The following PLCL2 variants were observed in gnomAD, a reference collection of about 807,000 sequenced individuals.
PLCL2 encodes the protein phospholipase C like 2, also known as inactive phospholipase C-like protein 2.
PLCL2 carries 4 observed loss-of-function variants against 79.6 expected under a neutral mutation model. The observed-to-expected ratio is 0.05, with a 90% CI of 0.02 to 0.11. The LOEUF is 0.11. Ranked by LOEUF, PLCL2 falls within the 10% of genes least tolerant of loss-of-function variation. The probability of loss-of-function intolerance (pLI) is 1.00; values close to 1 mark genes in which losing one functional copy is unlikely to be tolerated. For missense variants in PLCL2, 895 were observed against 1,291.0 expected (o/e 0.69, Z 4.70); for synonymous variants, 484 against 457.7 (o/e 1.06, Z -0.73).
intron 1 of PLCL2, among the ~76,000 whole-genome samples, chr3:16,992,451 A>G (rs1198116569): frequency 6.6e-6 from 1 of 152,190 alleles, no homozygotes; most frequent in African/African-American, 2.4e-5. Flanking sequence ...CATCCAGCAA[A>G]TAACCCCCAT....
At chr3:17,014,388 G>A (rs2064360319) in intron 2 of PLCL2, among the ~76,000 whole-genome samples, 1 of 151,948 alleles carries the variant, frequency 6.6e-6, no homozygotes, top group Non-Finnish European at 1.5e-5. Context: ...TATTCGCTCT[G>A]TTTGCTCATA....
chr3:17,085,891 A>C (rs1364074698), intron 5 of PLCL2, among the ~76,000 whole-genome samples: 1 of 152,210 alleles, frequency 6.6e-6, no homozygotes, highest in Admixed American at 6.5e-5. Flanking sequence ...GAAAACTATA[A>C]AACTCTGGTG....
At chr3:16,946,611 C>T (rs1034347872) in intron 1 of PLCL2, among the ~76,000 whole-genome samples, 2 of 152,002 alleles carry the variant, frequency 1.3e-5, no homozygotes, top group African/African-American at 4.8e-5. Flanking sequence ...TGTAAACAAC[C>T]GACCTATGTA....
In PLCL2 at chr3:17,082,813, A is replaced by C. The variant is rs1168424396; in HGVS notation, c.3205-6920A>C. On this transcript the variant is annotated intron_variant, in intron 5 of 5. Transcript: ENST00000615277. ...CTTTTCGTGAAGAAAAAAGGAAACCAAAGAACAATATAGATTGCTTGATTG... is the reference window on the plus strand; with the variant it reads ...CTTTTCGTGAAGAAAAAAGGAAACCCAAGAACAATATAGATTGCTTGATTG... Among the ~76,000 whole-genome samples the C allele has an allele frequency of 5.3e-5, 8 of 152,340 alleles. No homozygotes were observed. In the East Asian group the frequency reaches 1.5e-3, roughly 29 times the overall value.
intron 4 of PLCL2, 60 bp downstream of exon 4, chr3:17,043,009 CA>C: frequency 9.1e-7 from 1 of 1,099,802 alleles, no homozygotes; most frequent in Non-Finnish European, 1.4e-6. Flanking sequence ...TACTTTGCCC[CA>C]AAACTATTTC....
chr3:17,067,543 G>A (rs953812089), intron 4 of PLCL2, among the ~76,000 whole-genome samples: 8 of 152,096 alleles, frequency 5.3e-5, no homozygotes, highest in African/African-American at 1.2e-4. Flanking sequence ...ATTACTTTGC[G>A]TTCTTTCTAT....
intron 1 of PLCL2, among the ~76,000 whole-genome samples, chr3:16,954,906 A>G (rs2063689498): frequency 6.6e-6 from 1 of 152,070 alleles, no homozygotes. Context: ...GTTTGAGTTC[A>G]TTGTAGATTC....
At chr3:17,004,731 T>C (rs1238785055) in intron 1 of PLCL2, among the ~76,000 whole-genome samples, 1 of 152,128 alleles carries the variant, frequency 6.6e-6, no homozygotes, top group Non-Finnish European at 1.5e-5. Flanking sequence ...TGAAGAAAGG[T>C]CAGGCCTTGC....
intron 1 of PLCL2, among the ~76,000 whole-genome samples, chr3:16,943,392 G>C (rs753231501): frequency 5.3e-5 from 8 of 152,286 alleles, no homozygotes; most frequent in Middle Eastern, 3.4e-3. Flanking sequence ...AAGAAGACTT[G>C]AGTGCCAGCC....
At chr3:17,002,185 T>C (rs1239857965) in intron 1 of PLCL2, among the ~76,000 whole-genome samples, 2 of 152,144 alleles carry the variant, frequency 1.3e-5, no homozygotes, top group African/African-American at 4.8e-5. Context: ...CATACAGTAA[T>C]GATACTATTA....
chr3:17,052,276 G>A (rs2064850503), intron 4 of PLCL2, among the ~76,000 whole-genome samples: 1 of 148,888 alleles, frequency 6.7e-6, no homozygotes, highest in African/African-American at 2.5e-5. Context: ...GAAGGTCTCA[G>A]GTTATGGATT....
chr3:16,999,122 A>C (rs1385018227), intron 1 of PLCL2, among the ~76,000 whole-genome samples: 3 of 152,212 alleles, frequency 2.0e-5, no homozygotes, highest in African/African-American at 7.2e-5. Context: ...CATTTTAATT[A>C]AATTGATGGG....
chr3:17,029,643 G>A (rs1331676520), intron 3 of PLCL2, among the ~76,000 whole-genome samples: 1 of 152,170 alleles, frequency 6.6e-6, no homozygotes, highest in Non-Finnish European at 1.5e-5. Context: ...GCCTTGGGTA[G>A]GGATAGGGTC....
At chr3:17,047,808 A>T (rs922985173) in intron 4 of PLCL2, among the ~76,000 whole-genome samples, 1 of 152,212 alleles carries the variant, frequency 6.6e-6, no homozygotes, top group African/African-American at 2.4e-5. Context: ...GTGACTGTTC[A>T]GATCTGGACA....
chr3:16,965,329 G>T (rs1161060314), intron 1 of PLCL2, among the ~76,000 whole-genome samples: 3 of 152,140 alleles, frequency 2.0e-5, no homozygotes, highest in Admixed American at 6.6e-5. Flanking sequence ...TCAGATGGTT[G>T]TAGATGTGTG....
chr3:16,907,821 G>T lies in PLCL2; in HGVS notation c.327+22455G>T, dbSNP rs114743603. On this transcript the variant is annotated intron_variant, in intron 1 of 5. Transcript: ENST00000615277. ...CTTCAGGAGTTGTGCCCTTGAAGTA[G>T]AATTTGGTTGTTTGCTTTACCTGCC... is the stretch of plus-strand genomic sequence containing the variant. 7.4e-3 allele frequency among the ~76,000 whole-genome samples: 1,126 copies of T among 152,230 alleles called. 13 individuals are homozygous for T. Among genetic ancestry groups the T allele is most frequent in the African/African-American group, 0.025 (1,043 of 41,526 alleles).
At chr3:16,986,165 C>T (rs1424789790) in intron 1 of PLCL2, among the ~76,000 whole-genome samples, 1 of 152,092 alleles carries the variant, frequency 6.6e-6, no homozygotes, top group Non-Finnish European at 1.5e-5. Flanking sequence ...TGTTGGACTA[C>T]TTATAGCTTT....
At chr3:17,037,919 A>G (rs925626881) in intron 3 of PLCL2, among the ~76,000 whole-genome samples, 9 of 152,070 alleles carry the variant, frequency 5.9e-5, no homozygotes, top group African/African-American at 2.2e-4. Context: ...GTAATATATA[A>G]TATATTTATG....
rs1032580150 is a variant in PLCL2, at chr3:17,090,184, A to G, written c.*272A>G. On this transcript the variant is annotated 3_prime_UTR_variant, in exon 6 of 6. Coordinates refer to ENST00000615277, the MANE Select transcript of PLCL2 (RefSeq NM_001144382.2). ...TAACTCAGTTCCAGTATGAAGAAAGATTATTCACTCTAGCTCCACTGAGAA... is the reference window on the plus strand; with the variant it reads ...TAACTCAGTTCCAGTATGAAGAAAGGTTATTCACTCTAGCTCCACTGAGAA... The G allele has an allele frequency of 8.1e-6, 9 of 1,115,210 alleles. No individual in the cohort carries two copies. Among genetic ancestry groups the G allele is most frequent in the Admixed American group, 4.7e-5 (1 of 21,108 alleles). The allele number at this position is 1,115,210 out of a possible 1,614,324, so 69.1% of individuals were successfully genotyped here. A position where few individuals can be genotyped will look rare whatever the true frequency, so the allele number is the denominator to read the frequency against.
Sources: gnomAD v4.1 joint callset for allele counts (sites outside exome capture counted in the v4.1 genomes callset) on GRCh38, gnomAD v4.1.1 for gene constraint, MANE v1.5 for transcripts, NCBI Gene and HGNC (gene_info 2026-07-23, HGNC 2026-07-21) for gene names.